GPATCH1: variants seen among roughly 807,000 people sequenced by gnomAD.
GPATCH1 encodes the protein G-patch domain containing 1.
In GPATCH1, 73 loss-of-function variants were observed where a neutral mutation model predicts 114.9. That is an observed-to-expected ratio of 0.64 (90% CI 0.53 to 0.77). The LOEUF is 0.77. Among genes scored for constraint, GPATCH1 ranks in the 30% least tolerant of loss-of-function variants. GPATCH1 has a pLI of 0.00. For synonymous variants in GPATCH1, 391 were observed against 428.4 expected, an observed-to-expected ratio of 0.91 and a Z score of 1.08; for missense variants, 1,058 against 1,144.3, an observed-to-expected ratio of 0.92 and a Z score of 1.09.
At position 33,106,708 on chromosome 19, in the gene GPATCH1, C is replaced by T. The variant is rs1157416063; in HGVS notation, c.1094C>T (p.Pro365Leu). Residue 365 changes from proline (P) to leucine (L), a missense_variant, in exon 10 of 20, where the codon CCA becomes CTA. Pro to Leu is a moderately conservative substitution (Grantham distance 98). This residue lies in a region of GPATCH1 where 893 missense variants were observed against 977.4 expected (regional missense o/e 0.91). Transcript: ENST00000170564. Reference sequence around the variant, plus strand: ...TGGTTTGTTAAGATCTATCCACCTCCAGAGCTGCCAAGAGACTATCGACCA... The same window carrying T: ...TGGTTTGTTAAGATCTATCCACCTCTAGAGCTGCCAAGAGACTATCGACCA... ...PLSSKKIYPP[P>L]ELPRDYRPVH... 5.6e-6 allele frequency: 9 copies of T among 1,613,300 alleles called. No homozygotes were observed. In the African/African-American group the frequency reaches 1.1e-4, roughly 19 times the overall value.
intron 13 of GPATCH1, chr19:33,112,888 C>T: frequency 3.5e-6 from 1 of 281,902 alleles, no homozygotes; most frequent in Non-Finnish European, 6.6e-6. Context: ...CTCTCATTTG[C>T]CACCTTCTTG....
At chr19:33,085,697 C>T (rs547135492) in intron 1 of GPATCH1, among the ~76,000 whole-genome samples, 1 of 152,208 alleles carries the variant, frequency 6.6e-6, no homozygotes, top group African/African-American at 2.4e-5. Context: ...GTATCCTTAT[C>T]AGGGTATGAT....
Position 33,081,272 on chromosome 19 carries a change from G to A in GPATCH1, c.73+6G>A. On this transcript the variant is annotated splice_donor_region_variant and intron_variant, in intron 1 of 19. Coordinates refer to ENST00000170564, the MANE Select transcript of GPATCH1 (RefSeq NM_018025.3). ...GCTGGAGCCTCTGGAAGAAGGTGCG[G>A]GCCGCGTGGGCCGGCGGAGCCTGTG... is the stretch of plus-strand genomic sequence containing the variant. The A allele has an allele frequency of 6.5e-7, 1 of 1,550,384 alleles. No homozygotes were observed.
intron 2 of GPATCH1, among the ~76,000 whole-genome samples, chr19:33,089,682 A>C (rs1454964101): frequency 7.0e-6 from 1 of 143,100 alleles, no homozygotes; most frequent in African/African-American, 2.6e-5. Flanking sequence ...GTGCAATGGC[A>C]TGACCTCGGC....
At chr19:33,098,901 T>G (rs1972693972) in intron 8 of GPATCH1, among the ~76,000 whole-genome samples, 1 of 147,906 alleles carries the variant, frequency 6.8e-6, no homozygotes, top group Non-Finnish European at 1.5e-5. Context: ...ACTTACTTCC[T>G]TTTTTTTTTC....
In GPATCH1 at chr19:33,117,858, G is replaced by A. The variant is rs1972933466; in HGVS notation, c.2230G>A (p.Gly744Arg). The A allele has an allele frequency of 6.2e-7, 1 of 1,613,854 alleles. No individual in the cohort carries two copies. Among genetic ancestry groups the A allele is most frequent in the African/African-American group, 1.3e-5 (1 of 75,034 alleles). ...CAAAGATGTGGACGCACAGGCTGAA[G>A]GAGAAGGGAGCCGCCCATCCATGGA... ...VNKDVDAQAE[G>R]EGSRPSMDLF... The change falls in exon 16 of 20, where the codon GGA (glycine) becomes AGA (arginine). Residue 744 changes from glycine to arginine, a missense_variant. Around this residue, in one of 3 missense-constraint regions of GPATCH1, gnomAD observed 893 missense variants for 977.4 expected, o/e 0.91. Transcript: ENST00000170564.
rs1973025999 is a variant in GPATCH1 at position 33,125,132 on chromosome 19, A to C, written c.2549A>C (p.Gln850Pro). ...PNARQTLEVP[Q>P]KEKHKKNKDK... is the part of the protein sequence containing the mutation. Reference sequence around the variant, plus strand: ...GCTCGTCAGACACTTGAGGTTCCTCAAAAAGAGAAACATAAAAAGAACAAA... The same window carrying C: ...GCTCGTCAGACACTTGAGGTTCCTCCAAAAGAGAAACATAAAAAGAACAAA... Residue 850 changes from glutamine to proline, a missense_variant, in exon 18 of 20, where the codon CAA becomes CCA. By Grantham distance (76) the Gln-to-Pro change is moderately conservative. Transcript: ENST00000170564. 1 of 1,600,836 alleles carries C rather than the reference A, an allele frequency of 6.2e-7. No homozygotes were observed. The highest frequency in any genetic ancestry group is 1.3e-5 in the African/African-American group (1 of 74,348).
intron 14 of GPATCH1, 136 bp from the exon 15 acceptor site, chr19:33,114,117 C>A: frequency 1.1e-6 from 1 of 934,368 alleles, no homozygotes; most frequent in Non-Finnish European, 1.7e-6. Context: ...CCTCTGCCAC[C>A]TACCTCCCCA....
intron 1 of GPATCH1, among the ~76,000 whole-genome samples, chr19:33,083,864 C>T (rs554006860): frequency 6.6e-6 from 1 of 152,250 alleles, no homozygotes; most frequent in African/African-American, 2.4e-5. Flanking sequence ...GGCTGGCATG[C>T]AATGGTGCGA....
rs202041107 is a variant in GPATCH1 at position 33,097,792 on chromosome 19, A to C, written c.890A>C (p.Asp297Ala). 3.1e-6 allele frequency: 5 copies of C among 1,613,946 alleles called. No homozygotes were observed. The East Asian group carries it at 8.9e-5, about 29-fold the overall frequency. ...GGTGCCCTGGAAGAGGAAGATGATGATATCTATGCCACAGAAACTCTATCC... is the reference window on the plus strand; with the variant it reads ...GGTGCCCTGGAAGAGGAAGATGATGCTATCTATGCCACAGAAACTCTATCC... ...GVGALEEEDD[D>A]IYATETLSKY... is the part of the protein sequence containing the mutation. The change falls in exon 8 of 20, where the codon GAT becomes GCT. Residue 297 changes from aspartate to alanine, a missense_variant. Around this residue, in one of 3 missense-constraint regions of GPATCH1, gnomAD observed 893 missense variants for 977.4 expected, o/e 0.91. Coordinates refer to ENST00000170564, the MANE Select transcript of GPATCH1 (RefSeq NM_018025.3).
rs554323065 is a variant in GPATCH1, at chr19:33,083,114, G to C, written c.73+1848G>C. Among the ~76,000 whole-genome samples, 7 of 150,988 alleles carry C rather than the reference G, an allele frequency of 4.6e-5. No individual in the cohort carries two copies. The South Asian group carries it at 8.4e-4, about 18-fold the overall frequency. ...AAATTAGCTGGGCGTGGTGGGGGGG[G>C]GCTCATGTAGTCCCAGCTACTCGGG... On this transcript the variant is annotated intron_variant, in intron 1 of 19. Coordinates refer to ENST00000170564, the MANE Select transcript of GPATCH1 (RefSeq NM_018025.3).
Position 33,130,365 on chromosome 19 carries a change from A to G in GPATCH1, c.*205A>G. ...TTAATTTCAGTTAGTATCGGGGGAA[A>G]AAAATCCAGACTGAACAGTTTAATT... On this transcript the variant is annotated 3_prime_UTR_variant, in exon 20 of 20. Coordinates refer to ENST00000170564, the MANE Select transcript of GPATCH1 (RefSeq NM_018025.3). The G allele has an allele frequency of 2.3e-6, 1 of 443,238 alleles. No individual in the cohort carries two copies. The highest frequency in any genetic ancestry group is 4.0e-6 in the Non-Finnish European group (1 of 251,892). 27.5% of individuals were successfully genotyped at this position (443,238 alleles called of 1,614,324 possible).
intron 9 of GPATCH1, among the ~76,000 whole-genome samples, chr19:33,106,402 C>A (rs962692898): frequency 1.3e-5 from 2 of 152,138 alleles, no homozygotes; most frequent in African/African-American, 4.8e-5. Context: ...GATCTATTGT[C>A]ATCTTTATAG....
At chr19:33,120,059 T>TTG (rs1972961697) in intron 17 of GPATCH1, among the ~76,000 whole-genome samples, 1 of 132,862 alleles carries the variant, frequency 7.5e-6, no homozygotes, top group South Asian at 2.4e-4. Flanking sequence ...ATATTTATAC[T>TTG]TATATATATA....
chr19:33,126,630 A>C lies in GPATCH1; in HGVS notation c.2662A>C (p.Asn888His). Reference protein sequence around the residue: ...RKHKHKGKQKNKKPEKSSSSE... With the variant: ...RKHKHKGKQKHKKPEKSSSSE... ...GCACAAACACAAAGGCAAGCAAAAG[A>C]ATAAAAAACCAGAGAAAAGTAGTAG... Residue 888 changes from asparagine to histidine, a missense_variant, in exon 19 of 20, where the codon AAT becomes CAT. Transcript: ENST00000170564. 1 of 1,613,992 alleles carries C rather than the reference A, an allele frequency of 6.2e-7. No homozygotes were observed. Among genetic ancestry groups the C allele is most frequent in the Non-Finnish European group, 8.5e-7 (1 of 1,179,962 alleles).
intron 13 of GPATCH1, chr19:33,113,061 G>C (rs1972875086): frequency 6.3e-6 from 1 of 157,604 alleles, no homozygotes; most frequent in Admixed American, 6.4e-5. Flanking sequence ...AGGATCGCTT[G>C]AGCCCAGGAG....
chr19:33,126,723 C>G lies in GPATCH1; in HGVS notation c.2755C>G (p.Leu919Val), dbSNP rs1218233493. ...AACCGCAGACGTGTCGCCCCAGGAG[C>G]TGCTGAGACGGTGGGTAGTGGGAGA... Reference protein sequence around the residue: ...EETADVSPQELLRRLKSLPLR... With the variant: ...EETADVSPQEVLRRLKSLPLR... The change falls in exon 19 of 20, where the codon CTG (leucine) becomes GTG (valine). Residue 919 changes from leucine (L) to valine (V), a missense_variant. Leu to Val is a conservative substitution (Grantham distance 32). Transcript: ENST00000170564. The G allele has an allele frequency of 1.2e-6, 2 of 1,611,538 alleles. No homozygotes were observed. Among genetic ancestry groups the G allele is most frequent in the Admixed American group, 1.7e-5 (1 of 59,062 alleles).
chr19:33,114,541 A>C, intron 15 of GPATCH1, 122 bp downstream of exon 15: 1 of 750,974 alleles, frequency 1.3e-6, no homozygotes, highest in Non-Finnish European at 2.1e-6. Flanking sequence ...ATTTCCCCTT[A>C]AAGGCCATTT....
rs767127938 is a variant in GPATCH1 at position 33,096,231 on chromosome 19, G to A, written c.637G>A (p.Asp213Asn). 10 of 1,613,708 alleles carry A rather than the reference G, an allele frequency of 6.2e-6. No individual in the cohort carries two copies. In the South Asian group the frequency reaches 8.8e-5, roughly 14 times the overall value. ...GGGTGAAGATGATGACTACTTGCCTGATAATGTGACCTTTGCACCCAAAGA... is the reference window on the plus strand; with the variant it reads ...GGGTGAAGATGATGACTACTTGCCTAATAATGTGACCTTTGCACCCAAAGA... ...SEGEDDDYLP[D>N]NVTFAPKDVT... Residue 213 changes from aspartate (D) to asparagine (N), a missense_variant, in exon 7 of 20, where the codon GAT becomes AAT. Asp to Asn is a conservative substitution (Grantham distance 23, BLOSUM62 1). Coordinates refer to ENST00000170564, the MANE Select transcript of GPATCH1 (RefSeq NM_018025.3).
Sources: gnomAD v4.1 joint callset for allele counts (sites outside exome capture counted in the v4.1 genomes callset) on GRCh38, gnomAD v4.1.1 for gene constraint, gnomAD v4.1.1 regional missense constraint, MANE v1.5 for transcripts, NCBI Gene and HGNC (gene_info 2026-07-23, HGNC 2026-07-21) for gene names.